Variants in DMD observed in about 807,000 individuals in gnomAD.
DMD encodes the protein mutant dystrophin.
Under a neutral mutation model 330.1 loss-of-function variants are expected in DMD, and 63 were observed. The ratio of observed to expected loss-of-function variants is 0.19; its 90% CI spans 0.16 to 0.24. The LOEUF is 0.24. DMD is among the 10% of genes least tolerant of loss of function. The pLI is 1.00. For synonymous variants in DMD, 1,223 were observed against 959.8 expected, an observed-to-expected ratio of 1.27 and a Z score of -5.07; for missense variants, 3,344 against 2,684.1, an observed-to-expected ratio of 1.25 and a Z score of -5.43.
chrX:33,093,305 A>G (rs1416724545), intron 1 of DMD, among the ~76,000 whole-genome samples: 1 of 112,398 alleles, frequency 8.9e-6, no homozygotes, highest in Non-Finnish European at 1.9e-5. Flanking sequence ...GATAATGTAA[A>G]TATTACTTTA....
chrX:33,255,257 C>G (rs927963585), intron 1 of DMD, among the ~76,000 whole-genome samples: 3 of 110,904 alleles, frequency 2.7e-5, no homozygotes, highest in African/African-American at 9.7e-5. Context: ...ATAAACATCA[C>G]TGTTATACTG....
chrX:33,056,419 G>A (rs2094518990), intron 1 of DMD, among the ~76,000 whole-genome samples: 1 of 108,279 alleles, frequency 9.2e-6, no homozygotes, highest in African/African-American at 3.4e-5. Context: ...GGAGTGTAGT[G>A]GCACGATCTC....
intron 52 of DMD, among the ~76,000 whole-genome samples, chrX:31,706,388 G>GT (rs1569266432): frequency 2.7e-5 from 3 of 110,943 alleles, no homozygotes; most frequent in Non-Finnish European, 5.7e-5. Flanking sequence ...TAGCCAGGCA[G>GT]TTACTCTAAA....
At chrX:32,618,404 C>T (rs6631615) in intron 11 of DMD, among the ~76,000 whole-genome samples, 18,283 of 111,021 alleles carry the variant, frequency 0.16, 2,903 homozygotes, top group African/African-American at 0.5. Flanking sequence ...AGCAAAATAA[C>T]GCAGAAACAG....
chrX:31,315,965 C>A (rs928630075), intron 62 of DMD, among the ~76,000 whole-genome samples: 2 of 112,299 alleles, frequency 1.8e-5, no homozygotes, highest in South Asian at 7.5e-4. Context: ...TTAGGAAAAA[C>A]AGACTCTAGT....
chrX:32,308,011 T>C (rs1289325480), intron 42 of DMD, among the ~76,000 whole-genome samples: 1 of 110,259 alleles, frequency 9.1e-6, no homozygotes, highest in East Asian at 2.9e-4. Context: ...TATGTGTATG[T>C]TTCTCATTCT....
intron 44 of DMD, chrX:32,151,278 G>A (rs187865866): frequency 9.0e-6 from 1 of 111,556 alleles, no homozygotes; most frequent in East Asian, 2.8e-4. Flanking sequence ...ACATAAATTG[G>A]CTAAGAAACG....
intron 29 of DMD, among the ~76,000 whole-genome samples, chrX:32,431,517 C>T (rs2098238202): frequency 9.0e-6 from 1 of 110,790 alleles, no homozygotes; most frequent in Non-Finnish European, 1.9e-5. Context: ...TTCTACTCCC[C>T]ACCCCTGTAT....
intron 2 of DMD, among the ~76,000 whole-genome samples, chrX:32,936,478 C>G (rs2090030192): frequency 8.9e-6 from 1 of 111,822 alleles, no homozygotes; most frequent in Non-Finnish European, 1.9e-5. Flanking sequence ...ACAATTCCCT[C>G]TCATTTTCAT....
intron 9 of DMD, among the ~76,000 whole-genome samples, chrX:32,649,191 T>A (rs1229682845): frequency 9.1e-6 from 1 of 109,809 alleles, no homozygotes; most frequent in African/African-American, 3.3e-5. Flanking sequence ...AGAGGCTTAA[T>A]TACTGCCTGT....
chrX:32,994,619 G>A (rs988403860), intron 2 of DMD, among the ~76,000 whole-genome samples: 82 of 110,941 alleles, frequency 7.4e-4, no homozygotes, highest in African/African-American at 2.6e-3. Flanking sequence ...CCATTTTTAG[G>A]TTTTTGAGGA....
chrX:32,747,777 G>A (rs2070247627), intron 7 of DMD, among the ~76,000 whole-genome samples: 1 of 110,520 alleles, frequency 9.0e-6, no homozygotes, highest in African/African-American at 3.3e-5. Flanking sequence ...ACATGCCGGG[G>A]AGGAATCCGT....
Position 31,557,248 on chromosome X carries a change from C to T in DMD, c.8218-49795G>A, listed in dbSNP as rs145181945. Reference sequence around the variant, plus strand: ...AGAAGGCCAAGGCCATTATATGACACGGAACTTAGATGTGATCCTATAAAA... The same window carrying T: ...AGAAGGCCAAGGCCATTATATGACATGGAACTTAGATGTGATCCTATAAAA... On this transcript the variant is annotated intron_variant, in intron 55 of 78. Coordinates refer to ENST00000357033, the MANE Select transcript of DMD (RefSeq NM_004006.3). Among the ~76,000 whole-genome samples the T allele has an allele frequency of 5.4e-4, 60 of 111,445 alleles. No homozygotes were observed. The South Asian group carries it at 0.019, about 35-fold the overall frequency.
intron 48 of DMD, among the ~76,000 whole-genome samples, chrX:31,866,246 C>T (rs2149633747): frequency 9.0e-6 from 1 of 111,588 alleles, no homozygotes; most frequent in African/African-American, 3.3e-5. Context: ...TCTTCCTACT[C>T]CAGTCTCTCA....
chrX:33,138,903 C>G (rs977555211), intron 1 of DMD, among the ~76,000 whole-genome samples: 25 of 111,461 alleles, frequency 2.2e-4, no homozygotes, highest in African/African-American at 7.2e-4. Context: ...ACGTTTACCT[C>G]TTTGCTATTA....
intron 2 of DMD, among the ~76,000 whole-genome samples, chrX:32,949,534 A>G (rs1303488285): frequency 3.6e-5 from 4 of 111,066 alleles, no homozygotes; most frequent in East Asian, 5.7e-4. Context: ...ACACATAAAT[A>G]TGAACGATGG....
chrX:31,935,573 T>TTC (rs769382288), intron 45 of DMD, among the ~76,000 whole-genome samples: 3 of 111,523 alleles, frequency 2.7e-5, no homozygotes, highest in Non-Finnish European at 5.7e-5. Flanking sequence ...TCTCATCTTT[T>TTC]TCTCTCTCTC....
At chrX:32,903,832 C>A (rs1281523235) in intron 2 of DMD, among the ~76,000 whole-genome samples, 1 of 111,192 alleles carries the variant, frequency 9.0e-6, no homozygotes, top group Non-Finnish European at 1.9e-5. Context: ...GTGGGAGTGG[C>A]ATTCATAGTT....
chrX:33,277,096 T>A (rs2053247617), intron 1 of DMD, among the ~76,000 whole-genome samples: 1 of 111,600 alleles, frequency 9.0e-6, no homozygotes, highest in Non-Finnish European at 1.9e-5. Context: ...ACACCCCATG[T>A]TATCCTTTTA....
Sources: gnomAD v4.1 joint callset for allele counts (sites outside exome capture counted in the v4.1 genomes callset) on GRCh38, gnomAD v4.1.1 for gene constraint, MANE v1.5 for transcripts, NCBI Gene and HGNC (gene_info 2026-07-23, HGNC 2026-07-21) for gene names.